CSGALNACT1: variants seen among roughly 807,000 people sequenced by gnomAD.
CSGALNACT1 encodes beta4GalNAcT-1.
A neutral mutation model predicts 51.0 loss-of-function variants in CSGALNACT1; 52 were observed. The observed-to-expected ratio is 1.02, with a 90% CI of 0.82 to 1.29. The LOEUF is 1.29. Ranked by LOEUF, CSGALNACT1 falls within the 50% of genes most tolerant of loss-of-function variation. CSGALNACT1 has a pLI of 0.00. For synonymous variants in CSGALNACT1, 341 were observed against 254.4 expected (o/e 1.34, Z -3.24); for missense variants, 935 against 679.2 (o/e 1.38, Z -4.19).
chr8:19,661,105 G>C (rs982127094), intron 1 of CSGALNACT1, among the ~76,000 whole-genome samples: 4 of 151,280 alleles, frequency 2.6e-5, no homozygotes, highest in African/African-American at 7.3e-5. Flanking sequence ...TAGTAGAGAC[G>C]GGATTTCACC....
chr8:19,474,644 G>A (rs111844258), intron 4 of CSGALNACT1, among the ~76,000 whole-genome samples: 2 of 151,938 alleles, frequency 1.3e-5, no homozygotes, highest in African/African-American at 4.8e-5. Flanking sequence ...CGAGGTGGGT[G>A]GATCAATTGA....
intron 1 of CSGALNACT1, among the ~76,000 whole-genome samples, chr8:19,678,140 T>C (rs1464415000): frequency 1.3e-5 from 2 of 152,094 alleles, no homozygotes; most frequent in Non-Finnish European, 2.9e-5. Context: ...CACTAAATGC[T>C]ACTTAGTCAT....
At chr8:19,529,942 C>T (rs1338025650) in intron 3 of CSGALNACT1, among the ~76,000 whole-genome samples, 1 of 151,942 alleles carries the variant, frequency 6.6e-6, no homozygotes, top group African/African-American at 2.4e-5. Context: ...TAGTCTCAGC[C>T]CAACACAGTG....
intron 3 of CSGALNACT1, among the ~76,000 whole-genome samples, chr8:19,506,802 C>T (rs771282816): frequency 2.0e-5 from 3 of 152,242 alleles, no homozygotes; most frequent in Admixed American, 6.5e-5. Context: ...TGAGTGGAAG[C>T]AGCCTGAGGC....
At chr8:19,504,097 G>A (rs920120638) in intron 4 of CSGALNACT1, among the ~76,000 whole-genome samples, 1 of 152,166 alleles carries the variant, frequency 6.6e-6, no homozygotes, top group Non-Finnish European at 1.5e-5. Flanking sequence ...TATTTTTTGA[G>A]ACGGAGTCTC....
intron 3 of CSGALNACT1, among the ~76,000 whole-genome samples, chr8:19,513,656 T>C (rs941951273): frequency 1.3e-5 from 2 of 151,922 alleles, no homozygotes; most frequent in Non-Finnish European, 1.5e-5. Flanking sequence ...TGTGTGAAGA[T>C]CATGGAGTGT....
chr8:19,632,097 T>G (rs528647656), intron 1 of CSGALNACT1, among the ~76,000 whole-genome samples: 16 of 152,380 alleles, frequency 1.1e-4, no homozygotes, highest in Admixed American at 7.8e-4. Context: ...TTGATGCTCA[T>G]TAACTCTACA....
chr8:19,410,940 G>A (rs984457719), intron 8 of CSGALNACT1, among the ~76,000 whole-genome samples: 17 of 152,308 alleles, frequency 1.1e-4, no homozygotes, highest in Admixed American at 5.9e-4. Flanking sequence ...GCAGTCTGGC[G>A]GGAGTGTGTG....
rs770775382 is a variant in CSGALNACT1, at chr8:19,411,831, TC to T, written c.1228-3138del. Among the ~76,000 whole-genome samples, 580 of 133,978 alleles carry T rather than the reference TC, an allele frequency of 4.3e-3. 8 individuals carry two copies. Among genetic ancestry groups the T allele is most frequent in the South Asian group, 0.03 (122 of 4,114 alleles). The allele number at this position is 133,978 out of a possible 152,430, so 87.9% of individuals were successfully genotyped here. The stretch of plus-strand genomic sequence containing the variant: ...ACTGATCTGTTTCCAAGCACTATCC[TC>T]CTTTTTTTTTTTTTTTTTGACGGAG... On this transcript the variant is annotated intron_variant, in intron 8 of 9. Transcript: ENST00000454498.
At chr8:19,629,942 A>G (rs1589141265) in intron 1 of CSGALNACT1, among the ~76,000 whole-genome samples, 2 of 152,344 alleles carry the variant, frequency 1.3e-5, no homozygotes, top group African/African-American at 4.8e-5. Context: ...TAGGCCAGGC[A>G]TAGAATCAAA....
At chr8:19,453,149 G>GA (rs962957540) in intron 5 of CSGALNACT1, among the ~76,000 whole-genome samples, 1 of 151,998 alleles carries the variant, frequency 6.6e-6, no homozygotes, top group African/African-American at 2.4e-5. Flanking sequence ...TAAAGCAAGA[G>GA]AAAAAATGGG....
rs111313077 is a variant in CSGALNACT1, at chr8:19,509,165, G to A, written c.-296-3035C>T. Among the ~76,000 whole-genome samples the A allele has an allele frequency of 3.4e-3, 519 of 152,276 alleles. 3 individuals are homozygous for A. The highest frequency in any genetic ancestry group is 0.012 in the African/African-American group (498 of 41,566). On this transcript the variant is annotated intron_variant, in intron 3 of 9. Transcript: ENST00000454498. The stretch of plus-strand genomic sequence containing the variant: ...TTAACAGACAAAATATCTCTGAACC[G>A]TTCCAGCAATCTCATCTGTAATCAA...
chr8:19,504,471 C>T (rs1021901276), intron 4 of CSGALNACT1, among the ~76,000 whole-genome samples: 1 of 152,138 alleles, frequency 6.6e-6, no homozygotes, highest in Non-Finnish European at 1.5e-5. Context: ...GAACCAGTAA[C>T]AATAGATAAG....
chr8:19,574,158 C>T (rs932640249), intron 3 of CSGALNACT1, among the ~76,000 whole-genome samples: 9 of 152,200 alleles, frequency 5.9e-5, no homozygotes, highest in African/African-American at 1.7e-4. Context: ...AGACATTCTC[C>T]AGCCCTGGCC....
intron 1 of CSGALNACT1, among the ~76,000 whole-genome samples, chr8:19,722,251 G>T (rs2063168333): frequency 6.6e-6 from 1 of 152,046 alleles, no homozygotes; most frequent in Non-Finnish European, 1.5e-5. Context: ...CCCCTAAAAT[G>T]TACACAGTAT....
At chr8:19,627,671 A>G (rs1055533861) in intron 1 of CSGALNACT1, among the ~76,000 whole-genome samples, 12 of 152,120 alleles carry the variant, frequency 7.9e-5, no homozygotes, top group African/African-American at 2.9e-4. Flanking sequence ...AACGTAATAA[A>G]AAAATTAGCC....
intron 7 of CSGALNACT1, among the ~76,000 whole-genome samples, chr8:19,419,159 C>G (rs539272647): frequency 2.0e-5 from 3 of 152,304 alleles, no homozygotes; most frequent in East Asian, 3.9e-4. Flanking sequence ...AGCCACTTTT[C>G]CTTTTCCCTT....
chr8:19,712,206 T>C (rs1305249823), intron 1 of CSGALNACT1, among the ~76,000 whole-genome samples: 1 of 152,132 alleles, frequency 6.6e-6, no homozygotes, highest in African/African-American at 2.4e-5. Flanking sequence ...TTTGTATTTT[T>C]AGTAGAGATG....
At chr8:19,687,274 C>T (rs2061029752), upstream of CSGALNACT1, among the ~76,000 whole-genome samples, 1 of 152,054 alleles carries the variant, frequency 6.6e-6, no homozygotes, top group South Asian at 2.1e-4. Context: ...AACCATCAAT[C>T]TCTATCTATG....
Sources: gnomAD v4.1 joint callset for allele counts (sites outside exome capture counted in the v4.1 genomes callset) on GRCh38, gnomAD v4.1.1 for gene constraint, MANE v1.5 for transcripts, NCBI Gene and HGNC (gene_info 2026-07-23, HGNC 2026-07-21) for gene names.